Variants in TUBGCP6 observed in about 807,000 individuals in gnomAD.
The protein encoded by TUBGCP6 is gamma-tubulin complex component 6.
A neutral mutation model predicts 175.8 loss-of-function variants in TUBGCP6; 161 were observed. The ratio of observed to expected loss-of-function variants is 0.92; its 90% CI spans 0.81 to 1.04. The LOEUF is 1.04. Ranked by LOEUF, TUBGCP6 falls within the 50% of genes least tolerant of loss-of-function variation. TUBGCP6 has a pLI of 0.00. For synonymous variants in TUBGCP6, 1,173 were observed against 1,030.5 expected (o/e 1.14, Z -2.65); for missense variants, 2,572 against 2,433.0 (o/e 1.06, Z -1.20).
At chr22:50,234,276 T>A (rs1326544963) in intron 2 of TUBGCP6, among the ~76,000 whole-genome samples, 1 of 119,352 alleles carries the variant, frequency 8.4e-6, no homozygotes, top group Non-Finnish European at 1.6e-5. Flanking sequence ...CACACCCCTG[T>A]CCATGGCAGC....
intron 2 of TUBGCP6, among the ~76,000 whole-genome samples, chr22:50,236,748 T>C (rs1240901452): frequency 6.6e-6 from 1 of 152,126 alleles, no homozygotes; most frequent in African/African-American, 2.4e-5. Flanking sequence ...TCCCTCAGGA[T>C]GAGATGAGCA....
In TUBGCP6 at chr22:50,244,063, A is replaced by G. The variant is rs373127265; in HGVS notation, c.397T>C (p.Phe133Leu). 3.7e-6 allele frequency: 6 copies of G among 1,613,920 alleles called. No homozygotes were observed. In the African/African-American group the frequency reaches 4.0e-5, roughly 11 times the overall value. The part of the protein sequence containing the change: ...PQVLPRKRDY[F>L]LNNKHVGRNV... ...CTCCCCACATGCTTGTTGTTAAGGA[A>G]GTAGTCTCGTTTTCTCGGCAGAACT... The change falls in exon 1 of 25, where the codon TTC becomes CTC. Residue 133 changes from phenylalanine (F) to leucine (L), a missense_variant. Physicochemically the swap from Phe to Leu is conservative, Grantham distance 22. Transcript: ENST00000248846.
Position 50,225,802 on chromosome 22 carries a change from C to G in TUBGCP6, c.1975G>C (p.Glu659Gln). The change falls in exon 10 of 25, where the codon GAG becomes CAG. Residue 659 changes from glutamate (E) to glutamine (Q), a missense_variant. Glu to Gln is a conservative substitution (Grantham distance 29, BLOSUM62 2). Coordinates refer to ENST00000248846, the MANE Select transcript of TUBGCP6 (RefSeq NM_020461.4). ...CCTGTGGTGCCACGCACCTTCTCCT[C>G]CTTGCTGACAGAGCTGTGGCGGGCC... Reference protein sequence around the residue: ...RVARHSSVSKEEKELRMEIAK... With the variant: ...RVARHSSVSKQEKELRMEIAK... 1 of 1,613,038 alleles carries G rather than the reference C, an allele frequency of 6.2e-7. No individual in the cohort carries two copies. Among genetic ancestry groups the G allele is most frequent in the Non-Finnish European group, 8.5e-7 (1 of 1,179,494 alleles).
Position 50,244,579 on chromosome 22 carries a change from C to G in TUBGCP6, c.-120G>C. 2.1e-6 allele frequency: 3 copies of G among 1,418,628 alleles called. No individual in the cohort carries two copies. The highest frequency in any genetic ancestry group is 1.8e-6 in the Non-Finnish European group (2 of 1,083,236). 87.9% of individuals were successfully genotyped at this position (1,418,628 alleles called of 1,614,324 possible). ...AGAGGCTGAATGACAGGCGGCCTCT[C>G]CAATGCCGAAGCTCAGAACTGGTAT... On this transcript the variant is annotated 5_prime_UTR_variant, in exon 1 of 25. Transcript: ENST00000248846.
chr22:50,225,727 C>A lies in TUBGCP6; in HGVS notation c.1983+67G>T, dbSNP rs2064597120. 10 of 1,549,054 alleles carry A rather than the reference C, an allele frequency of 6.5e-6. No homozygotes were observed. The South Asian group carries it at 8.5e-5, about 13-fold the overall frequency. ...TGCACAGCCCTCATGTCCGCCCCAC[C>A]AACCTGAGACCCCAGGAAGCAGAGG... is the stretch of plus-strand genomic sequence containing the variant. On this transcript the variant is annotated intron_variant, in intron 10 of 24. Coordinates refer to ENST00000248846, the MANE Select transcript of TUBGCP6 (RefSeq NM_020461.4).
intron 2 of TUBGCP6, among the ~76,000 whole-genome samples, chr22:50,239,046 C>G (rs1184819756): frequency 6.6e-6 from 1 of 152,240 alleles, no homozygotes; most frequent in Non-Finnish European, 1.5e-5. Flanking sequence ...CATCCCAGAG[C>G]ACTCAGCTCC....
In TUBGCP6 at chr22:50,218,468, G is replaced by T; in HGVS notation, c.4954+20C>A. On this transcript the variant is annotated intron_variant, in intron 22 of 24. Coordinates refer to ENST00000248846, the MANE Select transcript of TUBGCP6 (RefSeq NM_020461.4). ...CCTCCAGCCAGGGGTGCGGGGCGCC[G>T]GGCTCCAGCGGGGCCTCACCTGTGC... is the stretch of plus-strand genomic sequence containing the variant. The T allele has an allele frequency of 1.9e-6, 3 of 1,613,100 alleles. No homozygotes were observed. The South Asian group carries it at 3.3e-5, about 18-fold the overall frequency.
chr22:50,228,108 G>T, intron 4 of TUBGCP6, 80 bp from the exon 5 acceptor site: 1 of 1,426,536 alleles, frequency 7.0e-7, no homozygotes, highest in Admixed American at 2.7e-5. Flanking sequence ...CACCAGTGCT[G>T]GGAACAGCGC....
intron 13 of TUBGCP6, 105 bp downstream of exon 13, chr22:50,224,036 T>C (rs774061356): frequency 4.9e-6 from 5 of 1,017,542 alleles, no homozygotes; most frequent in Non-Finnish European, 7.4e-6. Flanking sequence ...TAATGTATGT[T>C]TGAAGGTTTT....
At chr22:50,231,081 C>CA (rs35669469) in intron 3 of TUBGCP6, among the ~76,000 whole-genome samples, 1,713 of 21,324 alleles carry the variant, frequency 0.08, 120 homozygotes, top group Non-Finnish European at 0.12. Context: ...GACTCTATCT[C>CA]AAAAAAAAAA....
chr22:50,241,996 A>AAG (rs1236146035), intron 1 of TUBGCP6, among the ~76,000 whole-genome samples: 2 of 73,372 alleles, frequency 2.7e-5, no homozygotes, highest in Non-Finnish European at 7.6e-5. Context: ...AAAAAAAAAA[A>AAG]AAAAAAAAAA....
At position 50,217,766 on chromosome 22, in the gene TUBGCP6, G is replaced by C. The variant is rs1359358956; in HGVS notation, c.5430C>G (p.Ile1810Met). The C allele has an allele frequency of 1.9e-6, 3 of 1,613,952 alleles. No homozygotes were observed. The African/African-American group carries it at 4.0e-5, about 22-fold the overall frequency. Residue 1810 changes from isoleucine (I) to methionine (M), a missense_variant, in exon 25 of 25, where the codon ATC (isoleucine) becomes ATG (methionine). Ile to Met is a conservative substitution (Grantham distance 10, BLOSUM62 1). Transcript: ENST00000248846. ...QPHLEDFLLR[I>M]NFNNYYQDA ...CGTCCTGGTAGTAGTTGTTGAAGTT[G>C]ATGCGCAGCAGAAAGTCCTCCAGGT...
intron 6 of TUBGCP6, 75 bp from the exon 7 acceptor site, chr22:50,226,917 C>G (rs2064620632): frequency 1.3e-6 from 2 of 1,556,238 alleles, no homozygotes; most frequent in Admixed American, 3.9e-5. Context: ...CTGCCGGCAG[C>G]AGCCCTCCAG....
In TUBGCP6 at chr22:50,221,071, A is replaced by C. The variant is rs6010209; in HGVS notation, c.3288T>G (p.Asp1096Glu). Residue 1096 changes from aspartate to glutamate, a missense_variant, in exon 16 of 25, where the codon GAT becomes GAG. Coordinates refer to ENST00000248846, the MANE Select transcript of TUBGCP6 (RefSeq NM_020461.4). Reference sequence around the variant, plus strand: ...TCCACCGTGGCCGAGTGGGAGCCACATCTGACACAGACTCCCCTAAGCTGA... The same window carrying C: ...TCCACCGTGGCCGAGTGGGAGCCACCTCTGACACAGACTCCCCTAAGCTGA... ...ASISLGESVSDVAPTRPRWNI... is the reference protein window; with the variant it reads ...ASISLGESVSEVAPTRPRWNI... 6.6e-5 allele frequency: 101 copies of C among 1,528,310 alleles called. No individual in the cohort carries two copies. In the African/African-American group the frequency reaches 1.4e-3, roughly 21 times the overall value. The allele number at this position is 1,528,310 out of a possible 1,614,324, so 94.7% of individuals were successfully genotyped here.
chr22:50,222,043 C>G lies in TUBGCP6; in HGVS notation c.2469G>C (p.Leu823Phe). 1 of 1,613,872 alleles carries G rather than the reference C, an allele frequency of 6.2e-7. No homozygotes were observed. Among genetic ancestry groups the G allele is most frequent in the Non-Finnish European group, 8.5e-7 (1 of 1,179,996 alleles). The part of the protein sequence containing the change: ...HQPQEPPDVL[L>F]SVHPQVTSPG... ...TGCCGCTTACCTGGGGGTGCACGCT[C>G]AAGAGGACGTCTGGCGGCTCCTGGG... Residue 823 changes from leucine (L) to phenylalanine (F), a missense_variant, in exon 15 of 25, where the codon TTG becomes TTC. Leu to Phe is a conservative substitution (Grantham distance 22). Coordinates refer to ENST00000248846, the MANE Select transcript of TUBGCP6 (RefSeq NM_020461.4).
At chr22:50,230,532 G>T (rs2064673982) in intron 3 of TUBGCP6, among the ~76,000 whole-genome samples, 1 of 151,794 alleles carries the variant, frequency 6.6e-6, no homozygotes, top group Admixed American at 6.6e-5. Context: ...GTTGAATACG[G>T]GAGGCAGAGG....
rs1289120896 is a variant in TUBGCP6 at position 50,221,684 on chromosome 22, T to C, written c.2675A>G (p.Asp892Gly). Residue 892 changes from aspartate (D) to glycine (G), a missense_variant, in exon 16 of 25, where the codon GAC becomes GGC. Transcript: ENST00000248846. ...QQAEGARPFSDSLSIGDFLPV... is the reference protein window; with the variant it reads ...QQAEGARPFSGSLSIGDFLPV... ...TAGGAAGTCTCCAATGCTGAGGCTG[T>C]CAGAGAAGGGTCTGGCCCCCTCCGC... 6.6e-7 allele frequency: 1 copy of C among 1,517,896 alleles called. No individual in the cohort carries two copies. The highest frequency in any genetic ancestry group is 8.8e-7 in the Non-Finnish European group (1 of 1,134,496). 94.0% of individuals were successfully genotyped at this position (1,517,896 alleles called of 1,614,324 possible).
rs2064534636 is a variant in TUBGCP6, at chr22:50,222,046, G to A, written c.2466C>T (p.Leu822=). 1 of 1,613,926 alleles carries A rather than the reference G, an allele frequency of 6.2e-7. No individual in the cohort carries two copies. The highest frequency in any genetic ancestry group is 8.5e-7 in the Non-Finnish European group (1 of 1,180,004). Residue 822 remains leucine (L), a synonymous_variant, in exon 15 of 25, where the codon CTC becomes CTT. Transcript: ENST00000248846. Reference sequence around the variant, plus strand: ...CGCTTACCTGGGGGTGCACGCTCAAGAGGACGTCTGGCGGCTCCTGGGGCT... The same window carrying A: ...CGCTTACCTGGGGGTGCACGCTCAAAAGGACGTCTGGCGGCTCCTGGGGCT... ...AHQPQEPPDV[L]LSVHPQVTSP... is the part of the protein sequence containing the mutation.
At chr22:50,223,444 T>C (rs2064558600) in intron 13 of TUBGCP6, 1 of 152,750 alleles carries the variant, frequency 6.5e-6, no homozygotes, top group African/African-American at 2.4e-5. Context: ...GACAGGTTGA[T>C]AACAGCACAG....
Sources: gnomAD v4.1 joint callset for allele counts (sites outside exome capture counted in the v4.1 genomes callset) on GRCh38, gnomAD v4.1.1 for gene constraint, MANE v1.5 for transcripts, NCBI Gene and HGNC (gene_info 2026-07-23, HGNC 2026-07-21) for gene names.